OSTM1: variants seen among roughly 807,000 people sequenced by gnomAD.
The protein encoded by OSTM1 is osteoclastogenesis associated transmembrane protein 1.
In OSTM1, 26 loss-of-function variants were observed where a neutral mutation model predicts 35.4. The observed-to-expected ratio is 0.73, with a 90% CI of 0.54 to 1.02. The LOEUF (loss-of-function observed/expected upper bound fraction) is 1.02. OSTM1 is among the 50% of genes least tolerant of loss of function. OSTM1 has a pLI of 0.00. For missense variants in OSTM1, 366 were observed against 409.6 expected, an observed-to-expected ratio of 0.89 and a Z score of 0.92; for synonymous variants, 181 against 165.0, an observed-to-expected ratio of 1.10 and a Z score of -0.75.
intron 5 of OSTM1, among the ~76,000 whole-genome samples, chr6:108,046,319 C>T (rs1771972004): frequency 7.1e-6 from 1 of 139,956 alleles, no homozygotes; most frequent in Admixed American, 7.2e-5. Flanking sequence ...CGTGCCTGGC[C>T]TACCAATGTC....
intron 1 of OSTM1, among the ~76,000 whole-genome samples, chr6:108,068,101 A>G (rs9486793): frequency 0.085 from 12,939 of 152,172 alleles, 1,027 homozygotes; most frequent in East Asian, 0.23. Flanking sequence ...TTCTCTCAGC[A>G]GGATTTGACA....
intron 2 of OSTM1, among the ~76,000 whole-genome samples, chr6:108,056,027 T>C (rs76380878): frequency 1.2e-3 from 189 of 152,208 alleles, no homozygotes; most frequent in African/African-American, 4.5e-3. Context: ...GCAAGGCAAG[T>C]AGAATTTGTG....
intron 1 of OSTM1, among the ~76,000 whole-genome samples, chr6:108,064,940 C>T (rs1453567942): frequency 6.6e-6 from 1 of 152,204 alleles, no homozygotes. Context: ...AGAATTTCTG[C>T]TTTAAAATAT....
chr6:108,065,035 T>C (rs1254033003), intron 1 of OSTM1, among the ~76,000 whole-genome samples: 1 of 151,798 alleles, frequency 6.6e-6, no homozygotes, highest in Non-Finnish European at 1.5e-5. Context: ...ATTTTTGTGT[T>C]TGTAGTAGAG....
At chr6:108,072,662 A>AG (rs1477152871) in intron 1 of OSTM1, among the ~76,000 whole-genome samples, 1 of 151,852 alleles carries the variant, frequency 6.6e-6, no homozygotes, top group East Asian at 1.9e-4. Context: ...AAGAAAAAAA[A>AG]AAAAACATGC....
At chr6:108,050,831 T>C (rs908145891) in intron 4 of OSTM1, among the ~76,000 whole-genome samples, 200 bp downstream of exon 4, 1 of 152,242 alleles carries the variant, frequency 6.6e-6, no homozygotes, top group Non-Finnish European at 1.5e-5. Context: ...ATTTTTATCC[T>C]AACCATGAGA....
At chr6:108,046,338 C>A (rs977430471) in intron 5 of OSTM1, among the ~76,000 whole-genome samples, 2 of 131,174 alleles carry the variant, frequency 1.5e-5, no homozygotes, top group African/African-American at 5.7e-5. Context: ...TCTCTGGTTT[C>A]TTTTTTTTCT....
In OSTM1 at chr6:108,074,413, A is replaced by C; in HGVS notation, c.239T>G (p.Leu80Arg). ...CAGGAGCTCCCGGCACTCAGGATCCAGATCCGGCAGGTCCGGGGGCAGCGA... is the reference window on the plus strand; with the variant it reads ...CAGGAGCTCCCGGCACTCAGGATCCCGATCCGGCAGGTCCGGGGGCAGCGA... ...PLSLPPDLPD[L>R]DPECRELLLD... The change falls in exon 1 of 6, where the codon CTG becomes CGG. Residue 80 changes from leucine (L) to arginine (R), a missense_variant. Transcript: ENST00000193322. 7 of 1,568,124 alleles carry C rather than the reference A, an allele frequency of 4.5e-6. No individual in the cohort carries two copies. The highest frequency in any genetic ancestry group is 6.1e-6 in the Non-Finnish European group (7 of 1,156,548).
intron 5 of OSTM1, among the ~76,000 whole-genome samples, chr6:108,045,382 T>C (rs1771949973): frequency 6.7e-6 from 1 of 150,336 alleles, no homozygotes; most frequent in East Asian, 2.0e-4. Context: ...CACTAATTTA[T>C]CACCAGCGCA....
intron 1 of OSTM1, among the ~76,000 whole-genome samples, chr6:108,066,028 G>A (rs2027876): frequency 0.28 from 41,871 of 152,076 alleles, 6,164 homozygotes; most frequent in Admixed American, 0.45. Context: ...ATCATGGGGT[G>A]AAAGTGATAA....
chr6:108,048,736 C>T (rs1213720578), intron 5 of OSTM1, among the ~76,000 whole-genome samples: 1 of 148,974 alleles, frequency 6.7e-6, no homozygotes, highest in Non-Finnish European at 1.5e-5. Context: ...ATCTGAAAGA[C>T]ACTGTGTTTT....
At position 108,074,703 on chromosome 6, in the gene OSTM1, C is replaced by A. The variant is rs886060974; in HGVS notation, c.-52G>T. ...CCACCGCCGCCTCTCCGCCCCCAGC[C>A]GGCACCGCGGACAGCCGCCGCTTCC... On this transcript the variant is annotated 5_prime_UTR_variant, in exon 1 of 6. Transcript: ENST00000193322. 8 of 1,459,324 alleles carry A rather than the reference C, an allele frequency of 5.5e-6. No individual in the cohort carries two copies. The highest frequency in any genetic ancestry group is 6.3e-6 in the Non-Finnish European group (7 of 1,113,418). The allele number at this position is 1,459,324 out of a possible 1,614,324, so 90.4% of individuals were successfully genotyped here.
In OSTM1 at chr6:108,074,231, G is replaced by A. The variant is rs780128575; in HGVS notation, c.402+19C>T. The A allele has an allele frequency of 7.5e-6, 12 of 1,610,694 alleles. No homozygotes were observed. Among genetic ancestry groups the A allele is most frequent in the Non-Finnish European group, 2.5e-6 (3 of 1,179,512 alleles). On this transcript the variant is annotated intron_variant, in intron 1 of 5. Coordinates refer to ENST00000193322, the MANE Select transcript of OSTM1 (RefSeq NM_014028.4). ...CCAACTCTCCTGAGCCACAGTCCCG[G>A]ACGTGGTCCTGTACCCACCCCCGCG... is the stretch of plus-strand genomic sequence containing the variant.
intron 1 of OSTM1, chr6:108,073,924 T>G: frequency 2.5e-6 from 1 of 405,560 alleles, no homozygotes; most frequent in Non-Finnish European, 4.5e-6. Context: ...AAAAGGATCC[T>G]TCCTGGCAAC....
In OSTM1 at chr6:108,051,208, C is replaced by A. The variant is rs371799833; in HGVS notation, c.616-10G>T. The A allele has an allele frequency of 6.3e-7, 1 of 1,594,650 alleles. No individual in the cohort carries two copies. The highest frequency in any genetic ancestry group is 2.2e-5 in the East Asian group (1 of 44,692). On this transcript the variant is annotated splice_polypyrimidine_tract_variant and intron_variant, in intron 3 of 5. Coordinates refer to ENST00000193322, the MANE Select transcript of OSTM1 (RefSeq NM_014028.4). Reference sequence around the variant, plus strand: ...GACTATGTGCATTCCCCTAAAATGACAAAGGCACATGTAATATATACAATA... The same window carrying A: ...GACTATGTGCATTCCCCTAAAATGAAAAAGGCACATGTAATATATACAATA...
intron 1 of OSTM1, among the ~76,000 whole-genome samples, chr6:108,070,218 T>C (rs1772456184): frequency 6.6e-6 from 1 of 152,062 alleles, no homozygotes; most frequent in African/African-American, 2.4e-5. Flanking sequence ...TTTATATTTT[T>C]AGTAGAGACG....
At chr6:108,073,288 C>T (rs1397049896) in intron 1 of OSTM1, among the ~76,000 whole-genome samples, 2 of 152,206 alleles carry the variant, frequency 1.3e-5, no homozygotes, top group Non-Finnish European at 2.9e-5. Flanking sequence ...TCTCATTCTC[C>T]AATCCCAATG....
At position 108,044,759 on chromosome 6, in the gene OSTM1, T is replaced by C. The variant is rs774875378; in HGVS notation, c.*26A>G. ...TGTCTTCCACCATTCATTCACGTGATATGTCAATTCTCCATTTTGTAGGTC... is the reference window on the plus strand; with the variant it reads ...TGTCTTCCACCATTCATTCACGTGACATGTCAATTCTCCATTTTGTAGGTC... On this transcript the variant is annotated 3_prime_UTR_variant, in exon 6 of 6. Coordinates refer to ENST00000193322, the MANE Select transcript of OSTM1 (RefSeq NM_014028.4). 3 of 1,361,864 alleles carry C rather than the reference T, an allele frequency of 2.2e-6. No homozygotes were observed. Among genetic ancestry groups the C allele is most frequent in the Admixed American group, 3.4e-5 (2 of 58,956 alleles). 84.4% of individuals were successfully genotyped at this position (1,361,864 alleles called of 1,614,324 possible).
At chr6:108,064,382 T>C (rs2078504962) in intron 1 of OSTM1, 83 bp from the exon 2 acceptor site, 11 of 757,276 alleles carry the variant, frequency 1.5e-5, no homozygotes, top group Non-Finnish European at 2.6e-5. Flanking sequence ...CTTACAAAAA[T>C]AACATTTATT....
Sources: gnomAD v4.1 joint callset for allele counts (sites outside exome capture counted in the v4.1 genomes callset) on GRCh38, gnomAD v4.1.1 for gene constraint, MANE v1.5 for transcripts, NCBI Gene and HGNC (gene_info 2026-07-23, HGNC 2026-07-21) for gene names.